CCL28: variants seen among roughly 807,000 people sequenced by gnomAD.
CCL28 encodes C-C motif chemokine 28.
CCL28 carries 4 observed loss-of-function variants against 7.1 expected under a neutral mutation model. That is an observed-to-expected ratio of 0.56 (90% CI 0.28 to 1.29). The LOEUF (loss-of-function observed/expected upper bound fraction) is 1.29, where lower values mean the gene tolerates loss of function less well. Ranked by LOEUF, CCL28 falls within the 50% of genes most tolerant of loss-of-function variation. CCL28 has a pLI of 0.11. For missense variants in CCL28, 151 were observed against 163.4 expected, an observed-to-expected ratio of 0.92 and a Z score of 0.41; for synonymous variants, 55 against 57.8, an observed-to-expected ratio of 0.95 and a Z score of 0.22.
intron 1 of CCL28, among the ~76,000 whole-genome samples, chr5:43,393,888 C>A (rs999223485): frequency 1.4e-4 from 22 of 152,192 alleles, no homozygotes; most frequent in Non-Finnish European, 2.9e-4. Flanking sequence ...CAAGGTGTGA[C>A]CCTTTTATCT....
chr5:43,379,118 T>C (rs1230949634), downstream of CCL28: 3 of 152,210 alleles, frequency 2.0e-5, no homozygotes, highest in East Asian at 3.8e-4. Context: ...TGTGTAGAAT[T>C]GCAGATCGAT....
chr5:43,362,531 T>A, the CCL28 span, among the ~76,000 whole-genome samples: 1 of 152,226 alleles, frequency 6.6e-6, no homozygotes, highest in East Asian at 1.9e-4. Flanking sequence ...GATTCACTTA[T>A]AGTTACTAAG....
At chr5:43,365,004 C>CTTTT in the CCL28 span, among the ~76,000 whole-genome samples, 7 of 112,764 alleles carry the variant, frequency 6.2e-5, no homozygotes, top group African/African-American at 1.0e-4. Flanking sequence ...GGTCTTGACT[C>CTTTT]TTTTTTTTTT....
intron 1 of CCL28, among the ~76,000 whole-genome samples, chr5:43,407,797 A>G (rs1230283331): frequency 3.3e-5 from 5 of 152,190 alleles, no homozygotes; most frequent in Non-Finnish European, 5.9e-5. Context: ...CAAATTTACA[A>G]GAAAAAATCA....
the CCL28 span, among the ~76,000 whole-genome samples, chr5:43,369,442 T>TGGCAGCA: frequency 6.6e-6 from 1 of 152,216 alleles, no homozygotes; most frequent in African/African-American, 2.4e-5. Flanking sequence ...TTTCTGTTTT[T>TGGCAGCA]GAGATGGATT....
intron 2 of CCL28, among the ~76,000 whole-genome samples, chr5:43,385,761 T>C (rs1740311000): frequency 6.6e-6 from 1 of 152,222 alleles, no homozygotes; most frequent in Non-Finnish European, 1.5e-5. Flanking sequence ...ATAAAGTAAA[T>C]ATTTTTAGAT....
chr5:43,392,166 G>A (rs978667743), intron 1 of CCL28, among the ~76,000 whole-genome samples: 12 of 152,100 alleles, frequency 7.9e-5, no homozygotes, highest in African/African-American at 2.9e-4. Flanking sequence ...ACCAAGGCTG[G>A]AGTGCAGTGG....
chr5:43,409,540 T>C (rs1579758124), intron 1 of CCL28, among the ~76,000 whole-genome samples: 1 of 152,084 alleles, frequency 6.6e-6, no homozygotes, highest in African/African-American at 2.4e-5. Context: ...CAGAACAACA[T>C]TGAGTCACAA....
At chr5:43,357,797 T>C in the CCL28 span, among the ~76,000 whole-genome samples, 6 of 152,124 alleles carry the variant, frequency 3.9e-5, no homozygotes, top group Non-Finnish European at 5.9e-5. Context: ...AAAAAATAAC[T>C]GATGTGACTG....
the CCL28 span, among the ~76,000 whole-genome samples, chr5:43,369,057 AGAGAGAGAGAGAGAGAG>A: frequency 2.3e-5 from 3 of 130,080 alleles, no homozygotes; most frequent in Non-Finnish European, 4.7e-5. Flanking sequence ...AGAGAGAGAG[AGAGAGAGAGAGAGAGAG>A]AGAGAGAGAG....
the CCL28 span, among the ~76,000 whole-genome samples, chr5:43,359,134 T>C: frequency 6.6e-6 from 1 of 152,134 alleles, no homozygotes. Flanking sequence ...AATGATAAGC[T>C]CCTGAGACAA....
Position 43,388,491 on chromosome 5 carries a change from G to C in CCL28, c.65-15C>G, listed in dbSNP as rs781070211. 1.9e-6 allele frequency: 3 copies of C among 1,611,700 alleles called. No homozygotes were observed. The highest frequency in any genetic ancestry group is 1.1e-5 in the South Asian group (1 of 90,810). ...GGGAAGTATGGCTAAAAGAAGAAAAGAAAGAAAATGTTAAATTTTACGGTT... is the reference window on the plus strand; with the variant it reads ...GGGAAGTATGGCTAAAAGAAGAAAACAAAGAAAATGTTAAATTTTACGGTT... On this transcript the variant is annotated splice_polypyrimidine_tract_variant and intron_variant, in intron 1 of 2. Coordinates refer to ENST00000361115, the MANE Select transcript of CCL28 (RefSeq NM_148672.3).
downstream of CCL28, among the ~76,000 whole-genome samples, chr5:43,378,650 T>C (rs1739985494): frequency 6.6e-6 from 1 of 152,188 alleles, no homozygotes; most frequent in African/African-American, 2.4e-5. Context: ...CAATAACCTG[T>C]AAAATGTAAT....
Position 43,400,194 on chromosome 5 carries a change from C to T in CCL28, c.65-11718G>A, listed in dbSNP as rs531563758. ...GTTTTGGATTATTGTCATTATTATT[C>T]CCAGTATTAAGTGTATGGATGATTT... On this transcript the variant is annotated intron_variant, in intron 1 of 2. Transcript: ENST00000361115. Among the ~76,000 whole-genome samples, 4 of 152,022 alleles carry T rather than the reference C, an allele frequency of 2.6e-5. No homozygotes were observed. The South Asian group carries it at 8.3e-4, about 32-fold the overall frequency.
At chr5:43,372,045 ACCTGCTTTC>A, downstream of CCL28, among the ~76,000 whole-genome samples, 1 of 152,182 alleles carries the variant, frequency 6.6e-6, no homozygotes, top group South Asian at 2.1e-4. Flanking sequence ...TTTTTTAACA[ACCTGCTTTC>A]CAGATTAGTA....
downstream of CCL28, among the ~76,000 whole-genome samples, chr5:43,374,775 T>A (rs1366067070): frequency 9.3e-6 from 1 of 107,376 alleles, no homozygotes; most frequent in Non-Finnish European, 2.0e-5. Flanking sequence ...AGTGAGACTC[T>A]GTCTCAAAAA....
downstream of CCL28, among the ~76,000 whole-genome samples, chr5:43,378,590 T>C (rs1739981694): frequency 6.6e-6 from 1 of 152,236 alleles, no homozygotes; most frequent in East Asian, 1.9e-4. Context: ...AGTACAATAA[T>C]AGTACATAGT....
chr5:43,361,855 CTT>C, the CCL28 span, among the ~76,000 whole-genome samples: 45 of 144,624 alleles, frequency 3.1e-4, no homozygotes, highest in South Asian at 4.3e-4. Flanking sequence ...ATCTATGTGT[CTT>C]TTTTTTTTTT....
At chr5:43,365,891 G>C in the CCL28 span, among the ~76,000 whole-genome samples, 1 of 152,046 alleles carries the variant, frequency 6.6e-6, no homozygotes, top group East Asian at 1.9e-4. Flanking sequence ...TTGTCTTCAC[G>C]CTTTATTTCA....
Sources: allele counts gnomAD v4.1 joint callset (sites outside exome capture counted in the v4.1 genomes callset), GRCh38; gene constraint gnomAD v4.1.1; transcripts MANE v1.5; gene names NCBI Gene and HGNC (gene_info 2026-07-23, HGNC 2026-07-21).